The following NBEA variants were observed in gnomAD, a reference collection of about 807,000 sequenced individuals.
The protein encoded by NBEA is neurobeachin, also known as lysosomal-trafficking regulator 2.
In NBEA, 44 loss-of-function variants were observed where a neutral mutation model predicts 343.4. The observed-to-expected ratio is 0.13, with a 90% CI of 0.10 to 0.16. The LOEUF is 0.16. Ranked by LOEUF, NBEA falls within the 10% of genes least tolerant of loss-of-function variation. The probability of loss-of-function intolerance (pLI) is 1.00; values close to 1 mark genes in which losing one functional copy is unlikely to be tolerated. For synonymous variants in NBEA, 1,175 were observed against 1,238.7 expected (o/e 0.95, Z 1.08); for missense variants, 2,555 against 3,631.3 (o/e 0.70, Z 7.62).
At position 35,080,848 on chromosome 13, in the gene NBEA, A is replaced by G. The variant is rs538731281; in HGVS notation, c.1571+9996A>G. 1.2e-4 allele frequency among the ~76,000 whole-genome samples: 19 copies of G among 152,234 alleles called. No homozygotes were observed. The East Asian group carries it at 3.7e-3, about 29-fold the overall frequency. On this transcript the variant is annotated intron_variant, in intron 10 of 58. Transcript: ENST00000379939. Reference sequence around the variant, plus strand: ...AATTTATTTACTGCCAAATATTTTTACAGATGGAAATGAGATACAGGAGTT... The same window carrying G: ...AATTTATTTACTGCCAAATATTTTTGCAGATGGAAATGAGATACAGGAGTT...
At chr13:35,627,948 A>G (rs2083297488) in intron 48 of NBEA, 133 bp from the exon 49 acceptor site, 1 of 636,718 alleles carries the variant, frequency 1.6e-6, no homozygotes, top group Non-Finnish European at 2.5e-6. Flanking sequence ...GATCTGATAC[A>G]TATAAATCAA....
rs181120533 is a variant in NBEA at position 35,439,729 on chromosome 13, A to G, written c.6304+7336A>G. ...CATGTATCCTAGAACTTAAAGTATA[A>G]TAAAAAATAAATAAATAATTGAATT... is the stretch of plus-strand genomic sequence containing the variant. On this transcript the variant is annotated intron_variant, in intron 39 of 58. Coordinates refer to ENST00000379939, the MANE Select transcript of NBEA (RefSeq NM_001385012.1). 2.9e-3 allele frequency among the ~76,000 whole-genome samples: 439 copies of G among 152,338 alleles called. 1 individual carries two copies. The highest frequency in any genetic ancestry group is 4.3e-3 in the South Asian group (21 of 4,830).
chr13:35,578,738 T>C (rs1478940978), intron 45 of NBEA, among the ~76,000 whole-genome samples: 1 of 152,102 alleles, frequency 6.6e-6, no homozygotes, highest in African/African-American at 2.4e-5. Context: ...TTGAACATTT[T>C]ATGTGTGCAG....
At chr13:35,466,259 A>G (rs908745914) in intron 40 of NBEA, among the ~76,000 whole-genome samples, 1 of 152,188 alleles carries the variant, frequency 6.6e-6, no homozygotes, top group Non-Finnish European at 1.5e-5. Flanking sequence ...ATGCTCAAGA[A>G]GTCACCTAGC....
At chr13:35,447,059 T>C (rs2046086542) in intron 39 of NBEA, among the ~76,000 whole-genome samples, 1 of 152,102 alleles carries the variant, frequency 6.6e-6, no homozygotes, top group Admixed American at 6.6e-5. Flanking sequence ...TAGGAGGATT[T>C]CTTAAACAGA....
chr13:35,261,165 A>G (rs2033177593), intron 34 of NBEA, among the ~76,000 whole-genome samples: 1 of 152,200 alleles, frequency 6.6e-6, no homozygotes, highest in African/African-American at 2.4e-5. Flanking sequence ...TGACAGGGAT[A>G]AGGGGTTTAA....
chr13:35,235,174 G>C (rs2075166397), intron 34 of NBEA, among the ~76,000 whole-genome samples: 1 of 152,086 alleles, frequency 6.6e-6, no homozygotes, highest in Non-Finnish European at 1.5e-5. Context: ...GGTCCTTCTT[G>C]AGTTCCTTTT....
rs544930932 is a variant in NBEA at position 35,404,991 on chromosome 13, A to G, written c.6180-27278A>G. 1.8e-3 allele frequency among the ~76,000 whole-genome samples: 279 copies of G among 152,208 alleles called. 1 individual carries two copies. Among genetic ancestry groups the G allele is most frequent in the African/African-American group, 6.0e-3 (249 of 41,556 alleles). ...TCAGAAGGGAGTAAAGATTCTAAAT[A>G]ATGCAGTAAGAGAGATGATACTGGA... On this transcript the variant is annotated intron_variant, in intron 38 of 58. Coordinates refer to ENST00000379939, the MANE Select transcript of NBEA (RefSeq NM_001385012.1).
intron 29 of NBEA, 82 bp from the exon 30 acceptor site, chr13:35,183,894 A>G (rs1055913044): frequency 6.5e-6 from 6 of 916,566 alleles, no homozygotes; most frequent in African/African-American, 5.0e-5. Flanking sequence ...GCAGTAATAC[A>G]GAATTGTCAT....
rs1396206953 is a variant in NBEA at position 35,472,675 on chromosome 13, G to A, written c.6585+139G>A. The A allele has an allele frequency of 7.3e-6, 6 of 818,932 alleles. No individual in the cohort carries two copies. The South Asian group carries it at 7.9e-5, about 11-fold the overall frequency. 50.7% of individuals were successfully genotyped at this position (818,932 alleles called of 1,614,324 possible). ...CATAGAAAATAAAATGAATGAAATAGCATGTTCTCTTTATGGAATTGAAGA... is the reference window on the plus strand; with the variant it reads ...CATAGAAAATAAAATGAATGAAATAACATGTTCTCTTTATGGAATTGAAGA... On this transcript the variant is annotated intron_variant, in intron 41 of 58. Transcript: ENST00000379939.
At chr13:35,567,195 A>T (rs1284741770) in intron 45 of NBEA, among the ~76,000 whole-genome samples, 178 bp downstream of exon 45, 1 of 152,246 alleles carries the variant, frequency 6.6e-6, no homozygotes, top group African/African-American at 2.4e-5. Context: ...CTACAAGAAG[A>T]TAAACTAGTA....
chr13:35,044,908 C>A, intron 2 of NBEA, 39 bp from the exon 3 acceptor site: 1 of 1,511,624 alleles, frequency 6.6e-7, no homozygotes, highest in South Asian at 1.2e-5. Context: ...GATGGCAGCT[C>A]ATGACTAGAG....
chr13:35,313,738 G>A (rs1371217367), intron 36 of NBEA, among the ~76,000 whole-genome samples: 2 of 152,094 alleles, frequency 1.3e-5, no homozygotes, highest in Non-Finnish European at 1.5e-5. Flanking sequence ...GGATGCTATG[G>A]GAGCAGGCAA....
At chr13:35,503,126 AT>A (rs777420338) in intron 41 of NBEA, among the ~76,000 whole-genome samples, 3 of 151,880 alleles carry the variant, frequency 2.0e-5, no homozygotes, top group African/African-American at 7.2e-5. Flanking sequence ...ATCAGTCTTT[AT>A]TTTTTTCCTT....
At chr13:35,028,146 G>T (rs2062077775) in intron 1 of NBEA, among the ~76,000 whole-genome samples, 1 of 151,714 alleles carries the variant, frequency 6.6e-6, no homozygotes, top group Non-Finnish European at 1.5e-5. Flanking sequence ...AAAATTTAAG[G>T]TATTGTAATT....
chr13:35,354,447 T>A (rs74050707), intron 38 of NBEA, among the ~76,000 whole-genome samples: 1,736 of 152,284 alleles, frequency 0.011, 24 homozygotes, highest in South Asian at 0.034. Context: ...GTGACCTCCA[T>A]AGCAGCAGTC....
intron 34 of NBEA, among the ~76,000 whole-genome samples, chr13:35,269,501 T>C (rs2033960829): frequency 6.6e-6 from 1 of 152,146 alleles, no homozygotes; most frequent in Non-Finnish European, 1.5e-5. Flanking sequence ...GTGGTCAATA[T>C]TATAGAGAAG....
Position 35,290,514 on chromosome 13 carries a change from A to T in NBEA, c.5838+64A>T, listed in dbSNP as rs1259860194. 3 of 1,098,178 alleles carry T rather than the reference A, an allele frequency of 2.7e-6. No individual in the cohort carries two copies. In the African/African-American group the frequency reaches 4.7e-5, roughly 17 times the overall value. The allele number at this position is 1,098,178 out of a possible 1,614,324, so 68.0% of individuals were successfully genotyped here. On this transcript the variant is annotated intron_variant, in intron 35 of 58. Coordinates refer to ENST00000379939, the MANE Select transcript of NBEA (RefSeq NM_001385012.1). ...GGGTTTTTTGTGACTAATAATAAAA[A>T]GTATGTGCATATATATGTGTATGTT...
At chr13:35,191,508 C>A (rs572389808) in intron 30 of NBEA, among the ~76,000 whole-genome samples, 6 of 152,066 alleles carry the variant, frequency 3.9e-5, no homozygotes, top group Non-Finnish European at 7.4e-5. Context: ...TATAAATAAT[C>A]GCAAATAATT....
Sources: gnomAD v4.1 joint callset for allele counts (sites outside exome capture counted in the v4.1 genomes callset) on GRCh38, gnomAD v4.1.1 for gene constraint, MANE v1.5 for transcripts, NCBI Gene and HGNC (gene_info 2026-07-23, HGNC 2026-07-21) for gene names.